Variants in PARD3 observed in about 807,000 individuals in gnomAD.
PARD3 encodes the protein partitioning defective 3 homolog.
A neutral mutation model predicts 155.4 loss-of-function variants in PARD3; 75 were observed. The observed-to-expected ratio is 0.48, with a 90% CI of 0.40 to 0.58. PARD3 has a LOEUF of 0.58. Ranked by LOEUF, PARD3 falls within the 20% of genes least tolerant of loss-of-function variation. PARD3 has a pLI of 0.00. For synonymous variants in PARD3, 576 were observed against 610.5 expected, an observed-to-expected ratio of 0.94 and a Z score of 0.83; for missense variants, 1,642 against 1,721.7, an observed-to-expected ratio of 0.95 and a Z score of 0.82.
At chr10:34,322,708 C>T (rs1008427365) in intron 19 of PARD3, among the ~76,000 whole-genome samples, 6 of 152,082 alleles carry the variant, frequency 3.9e-5, no homozygotes, top group Non-Finnish European at 8.8e-5. Context: ...CTCAACAATA[C>T]TCTCCTCTGA....
chr10:34,479,833 T>C (rs965789690), intron 3 of PARD3, among the ~76,000 whole-genome samples: 12 of 152,106 alleles, frequency 7.9e-5, no homozygotes, highest in Non-Finnish European at 1.6e-4. Context: ...TGGCACCAAG[T>C]GTTTTGCGGA....
intron 22 of PARD3, among the ~76,000 whole-genome samples, chr10:34,220,083 C>G (rs553357219): frequency 2.0e-5 from 3 of 152,234 alleles, no homozygotes; most frequent in African/African-American, 7.2e-5. Flanking sequence ...GAACAGTAAA[C>G]CTTTTAAGGT....
intron 1 of PARD3, among the ~76,000 whole-genome samples, chr10:34,735,736 C>T (rs1268015091): frequency 6.6e-6 from 1 of 152,128 alleles, no homozygotes; most frequent in Non-Finnish European, 1.5e-5. Flanking sequence ...TGAAACAACC[C>T]CCCTTATTTT....
At chr10:34,360,281 C>G in intron 12 of PARD3, 22 bp from the exon 13 acceptor site, 1 of 1,550,510 alleles carries the variant, frequency 6.4e-7, no homozygotes, top group Non-Finnish European at 8.9e-7. Flanking sequence ...CAAAATTGCA[C>G]AGCACATTAT....
rs891588918 is a variant in PARD3 at position 34,558,163 on chromosome 10, T to TA, written c.223-41005dup. On this transcript the variant is annotated intron_variant, in intron 2 of 24. Transcript: ENST00000374788. ...GCATGTGGACTGCACATCTTTTTGC[T>TA]AAAAAAAAAAAGTTGAATACGTAAT... Among the ~76,000 whole-genome samples, 476 of 145,578 alleles carry TA rather than the reference T, an allele frequency of 3.3e-3. 1 individual carries two copies. The highest frequency in any genetic ancestry group is 8.7e-3 in the African/African-American group (348 of 39,912).
chr10:34,297,310 A>T (rs941421271), intron 20 of PARD3, among the ~76,000 whole-genome samples: 10 of 152,240 alleles, frequency 6.6e-5, no homozygotes, highest in Middle Eastern at 3.2e-3. Flanking sequence ...CTCTAAAAAA[A>T]TAAGTAAGTA....
chr10:34,121,954 G>T (rs1947028568), intron 23 of PARD3, among the ~76,000 whole-genome samples: 1 of 152,204 alleles, frequency 6.6e-6, no homozygotes, highest in Admixed American at 6.5e-5. Flanking sequence ...TTCATCAACT[G>T]CATTAAAAGA....
At chr10:34,516,596 T>C (rs2081781003) in intron 3 of PARD3, among the ~76,000 whole-genome samples, 1 of 152,198 alleles carries the variant, frequency 6.6e-6, no homozygotes, top group South Asian at 2.1e-4. Context: ...TCAAATAATA[T>C]AAATGACGGT....
At chr10:34,427,064 C>T (rs948023887) in intron 5 of PARD3, among the ~76,000 whole-genome samples, 19 of 152,258 alleles carry the variant, frequency 1.2e-4, no homozygotes, top group African/African-American at 4.1e-4. Flanking sequence ...GGATGTATGT[C>T]GCCTCAGGAC....
intron 12 of PARD3, among the ~76,000 whole-genome samples, chr10:34,368,860 A>AAC (rs1358824183): frequency 6.6e-6 from 1 of 151,264 alleles, no homozygotes; most frequent in Admixed American, 6.6e-5. Context: ...AAAAAAAAAA[A>AAC]ATCAACAAGA....
chr10:34,808,525 G>GC (rs1244359590), intron 1 of PARD3, among the ~76,000 whole-genome samples: 1 of 152,184 alleles, frequency 6.6e-6, no homozygotes, highest in Non-Finnish European at 1.5e-5. Context: ...GGAATGTTGA[G>GC]CGAGTGGCCA....
chr10:34,452,718 C>T (rs1480974235), intron 4 of PARD3, among the ~76,000 whole-genome samples: 1 of 152,160 alleles, frequency 6.6e-6, no homozygotes, highest in African/African-American at 2.4e-5. Flanking sequence ...CCTACCCTGA[C>T]AACTTTTAAG....
intron 7 of PARD3, among the ~76,000 whole-genome samples, chr10:34,386,516 T>C (rs59898422): frequency 0.028 from 4,261 of 152,238 alleles, 211 homozygotes; most frequent in African/African-American, 0.096. Flanking sequence ...CAAAGTGTTC[T>C]ATCATAGGAA....
At chr10:34,157,432 C>T (rs1243795983) in intron 22 of PARD3, among the ~76,000 whole-genome samples, 4 of 152,194 alleles carry the variant, frequency 2.6e-5, no homozygotes, top group Non-Finnish European at 5.9e-5. Context: ...CAAGTAAGCG[C>T]CCCATGAACT....
chr10:34,630,465 C>T (rs1333433470), intron 2 of PARD3, among the ~76,000 whole-genome samples: 1 of 149,044 alleles, frequency 6.7e-6, no homozygotes, highest in Non-Finnish European at 1.5e-5. Context: ...TTTTTTCTTC[C>T]GGAGACAGGG....
intron 5 of PARD3, among the ~76,000 whole-genome samples, chr10:34,435,007 G>A (rs559031765): frequency 6.6e-5 from 10 of 152,128 alleles, no homozygotes; most frequent in Admixed American, 5.2e-4. Context: ...ATAAGAGATA[G>A]AAAACCAAAA....
chr10:34,502,740 G>A lies in PARD3; in HGVS notation c.403+14239C>T, dbSNP rs957502615. Reference sequence around the variant, plus strand: ...GGATTACTTGAGTATGGGCAACATAGCAGGATCCCATCTCAAAAAAAACAA... The same window carrying A: ...GGATTACTTGAGTATGGGCAACATAACAGGATCCCATCTCAAAAAAAACAA... On this transcript the variant is annotated intron_variant, in intron 3 of 24. Transcript: ENST00000374788. Among the ~76,000 whole-genome samples the A allele has an allele frequency of 9.2e-5, 14 of 152,188 alleles. No individual in the cohort carries two copies. In the South Asian group the frequency reaches 1.2e-3, roughly 14 times the overall value.
At chr10:34,463,247 A>C (rs2077782540) in intron 4 of PARD3, among the ~76,000 whole-genome samples, 1 of 124,064 alleles carries the variant, frequency 8.1e-6, no homozygotes, top group African/African-American at 3.1e-5. Context: ...AAAGGAAGGG[A>C]AAGGGAAGAG....
chr10:34,489,116 T>G (rs530153558), intron 3 of PARD3, among the ~76,000 whole-genome samples: 1 of 152,282 alleles, frequency 6.6e-6, no homozygotes, highest in East Asian at 1.9e-4. Context: ...AGTGGGAAGA[T>G]CATGTGATGT....
Sources: gnomAD v4.1 joint callset for allele counts (sites outside exome capture counted in the v4.1 genomes callset) on GRCh38, gnomAD v4.1.1 for gene constraint, MANE v1.5 for transcripts, NCBI Gene and HGNC (gene_info 2026-07-23, HGNC 2026-07-21) for gene names.